Variants in SAMD8 observed in about 807,000 individuals in gnomAD.
The protein encoded by SAMD8 is sterile alpha motif domain containing 8.
In SAMD8, 20 loss-of-function variants were observed where a neutral mutation model predicts 42.0. That is an observed-to-expected ratio of 0.48 (90% CI 0.34 to 0.69). The LOEUF (loss-of-function observed/expected upper bound fraction) is 0.69, where lower values mean the gene tolerates loss of function less well. Ranked by LOEUF, SAMD8 falls within the 30% of genes least tolerant of loss-of-function variation. The pLI is 0.01. For missense variants in SAMD8, 328 were observed against 511.6 expected (o/e 0.64, Z 3.46); for synonymous variants, 162 against 173.0 (o/e 0.94, Z 0.50).
At chr10:75,148,398 G>A (rs1318782081) in intron 1 of SAMD8, among the ~76,000 whole-genome samples, 4 of 137,034 alleles carry the variant, frequency 2.9e-5, no homozygotes, top group African/African-American at 1.2e-4. Flanking sequence ...CTGTCGCCCA[G>A]GCTGGTGTGC....
intron 1 of SAMD8, among the ~76,000 whole-genome samples, chr10:75,138,958 CTTTTTTTTTTT>C (rs201911661): frequency 0.21 from 28,419 of 133,352 alleles, 2,984 homozygotes; most frequent in East Asian, 0.28. Context: ...GTGGTTTTTT[CTTTTTTTTTTT>C]TTTTTTTTGA....
chr10:75,111,597 C>G, upstream of SAMD8: 1 of 1,250,946 alleles, frequency 8.0e-7, no homozygotes, highest in Non-Finnish European at 1.0e-6. Context: ...CGGCTCCCCG[C>G]CCCGGGCTCC....
chr10:75,137,555 A>G (rs1295623530), intron 1 of SAMD8, among the ~76,000 whole-genome samples: 1 of 151,794 alleles, frequency 6.6e-6, no homozygotes, highest in Non-Finnish European at 1.5e-5. Flanking sequence ...AAAAAAAAAG[A>G]AAGAAAATTC....
In SAMD8 at chr10:75,142,682, G is replaced by A. The variant is rs555383202; in HGVS notation, c.-15-7832G>A. 3.3e-3 allele frequency among the ~76,000 whole-genome samples: 499 copies of A among 152,102 alleles called. 2 individuals carry two copies. Among genetic ancestry groups the A allele is most frequent in the Non-Finnish European group, 4.7e-3 (317 of 67,976 alleles). ...GATCTCTTGACCATGTGATCCGCCC[G>A]CCTCGGCCTCCCAAAGTGCTGGGAT... On this transcript the variant is annotated intron_variant, in intron 1 of 5. Transcript: ENST00000542569.
At chr10:75,129,776 A>G (rs992437402) in intron 1 of SAMD8, among the ~76,000 whole-genome samples, 1 of 152,220 alleles carries the variant, frequency 6.6e-6, no homozygotes, top group African/African-American at 2.4e-5. Flanking sequence ...CTGTGATCTT[A>G]ACCCTTGACA....
chr10:75,172,553 G>A (rs1339157912), intron 4 of SAMD8, among the ~76,000 whole-genome samples: 3 of 151,340 alleles, frequency 2.0e-5, no homozygotes, highest in Non-Finnish European at 4.4e-5. Flanking sequence ...GCTAGCGTGC[G>A]GTGGTGCGAT....
intron 1 of SAMD8, among the ~76,000 whole-genome samples, chr10:75,125,027 T>A (rs1007267639): frequency 6.6e-6 from 1 of 152,020 alleles, no homozygotes; most frequent in Non-Finnish European, 1.5e-5. Flanking sequence ...CCTCAAGTGA[T>A]CCTCCCGCCT....
intron 3 of SAMD8, among the ~76,000 whole-genome samples, chr10:75,167,978 CTT>C (rs1348215644): frequency 2.0e-5 from 3 of 152,122 alleles, no homozygotes; most frequent in Non-Finnish European, 4.4e-5. Flanking sequence ...TTGTATAACT[CTT>C]TTACTTTCTT....
In SAMD8 at chr10:75,178,454, G is replaced by A. The variant is rs1473170251; in HGVS notation, c.*1762G>A. 1 of 152,142 alleles carries A rather than the reference G, an allele frequency of 6.6e-6. No individual in the cohort carries two copies. The highest frequency in any genetic ancestry group is 1.5e-5 in the Non-Finnish European group (1 of 68,040). The allele number at this position is 152,142 out of a possible 1,614,324, so 9.4% of individuals were successfully genotyped here. On this transcript the variant is annotated 3_prime_UTR_variant, in exon 6 of 6. Transcript: ENST00000542569. ...CAGTTAGAGTGGTTTGACCCTTCAG[G>A]TAAAAAGATATGTTACTGTTATTTT... is the stretch of plus-strand genomic sequence containing the variant.
At chr10:75,109,476 G>A (rs1004315528), upstream of SAMD8, among the ~76,000 whole-genome samples, 2 of 152,226 alleles carry the variant, frequency 1.3e-5, no homozygotes, top group Admixed American at 1.3e-4. Flanking sequence ...TGCTGGGTCT[G>A]ACACATAGTA....
chr10:75,136,080 T>A (rs933223445), intron 1 of SAMD8, among the ~76,000 whole-genome samples: 5 of 152,088 alleles, frequency 3.3e-5, no homozygotes, highest in Admixed American at 1.3e-4. Context: ...TCTTTTGGTT[T>A]TTTTTTGGCT....
At chr10:75,141,350 T>A (rs1165125154) in intron 1 of SAMD8, among the ~76,000 whole-genome samples, 1 of 148,492 alleles carries the variant, frequency 6.7e-6, no homozygotes, top group Non-Finnish European at 1.5e-5. Context: ...TGACACCCTG[T>A]CTCAAAAAAA....
intron 2 of SAMD8, among the ~76,000 whole-genome samples, chr10:75,156,495 G>T (rs1051888444): frequency 6.6e-6 from 1 of 152,142 alleles, no homozygotes; most frequent in African/African-American, 2.4e-5. Context: ...ATTACAGAGG[G>T]AATGAGGTAG....
chr10:75,140,268 C>T (rs1269339015), intron 1 of SAMD8, among the ~76,000 whole-genome samples: 1 of 152,110 alleles, frequency 6.6e-6, no homozygotes, highest in Non-Finnish European at 1.5e-5. Flanking sequence ...CCAAGCCGGG[C>T]TAATTTTTGT....
chr10:75,139,762 C>G (rs1839974742), intron 1 of SAMD8, among the ~76,000 whole-genome samples: 1 of 152,172 alleles, frequency 6.6e-6, no homozygotes, highest in South Asian at 2.1e-4. Flanking sequence ...CATGCAGAAA[C>G]TTGCAGACTA....
intron 1 of SAMD8, among the ~76,000 whole-genome samples, chr10:75,123,884 C>T (rs988651984): frequency 2.6e-5 from 4 of 151,934 alleles, no homozygotes; most frequent in African/African-American, 9.7e-5. Flanking sequence ...CACTCCACCG[C>T]GCCCAGGTAA....
chr10:75,159,063 C>CCTTTTTTT (rs1840492357), intron 2 of SAMD8, among the ~76,000 whole-genome samples: 1 of 133,466 alleles, frequency 7.5e-6, no homozygotes, highest in Non-Finnish European at 1.6e-5. Context: ...TTTTCTTTTT[C>CCTTTTTTT]TTTTTTTTTT....
At chr10:75,109,491 C>G (rs1848711381), upstream of SAMD8, among the ~76,000 whole-genome samples, 1 of 152,172 alleles carries the variant, frequency 6.6e-6, no homozygotes, top group African/African-American at 2.4e-5. Context: ...ATAGTAGGTG[C>G]TTAGAAACAT....
At chr10:75,153,006 GA>G in intron 2 of SAMD8, among the ~76,000 whole-genome samples, 1 of 151,980 alleles carries the variant, frequency 6.6e-6, no homozygotes, top group South Asian at 2.1e-4. Context: ...TTTTTAGATG[GA>G]GTCTTGCTCT....
Sources: gnomAD v4.1 joint callset for allele counts (sites outside exome capture counted in the v4.1 genomes callset) on GRCh38, gnomAD v4.1.1 for gene constraint, MANE v1.5 for transcripts, NCBI Gene and HGNC (gene_info 2026-07-23, HGNC 2026-07-21) for gene names.